ENTREP1: variants seen among roughly 807,000 people sequenced by gnomAD.
The protein encoded by ENTREP1 is endosomal transmembrane epsin interactor 1.
At chr9:69,379,400 G>A in the ENTREP1 span, among the ~76,000 whole-genome samples, 1 of 152,240 alleles carries the variant, frequency 6.6e-6, no homozygotes, top group East Asian at 1.9e-4. Context: ...TGGAGGGGAT[G>A]TCAGCTGGGT....
At chr9:69,354,997 A>G in the ENTREP1 span, among the ~76,000 whole-genome samples, 2 of 152,300 alleles carry the variant, frequency 1.3e-5, no homozygotes, top group East Asian at 3.9e-4. Flanking sequence ...AGTGCCATAT[A>G]CTGTGATGAA....
chr9:69,343,020 C>A, the ENTREP1 span, among the ~76,000 whole-genome samples: 3 of 152,180 alleles, frequency 2.0e-5, no homozygotes, highest in Non-Finnish European at 4.4e-5. Flanking sequence ...CTGACCTAAG[C>A]CAATTTGGGT....
At chr9:69,383,307 C>A in the ENTREP1 span, 2 of 867,202 alleles carry the variant, frequency 2.3e-6, no homozygotes, top group Non-Finnish European at 2.9e-6. Flanking sequence ...ACCCATCAAA[C>A]AGTCACTCCC....
the ENTREP1 span, among the ~76,000 whole-genome samples, chr9:69,353,262 A>G: frequency 6.6e-6 from 1 of 152,192 alleles, no homozygotes; most frequent in Non-Finnish European, 1.5e-5. Flanking sequence ...TGTACTGTCT[A>G]TTACTTCTGC....
chr9:69,383,442 T>G, the ENTREP1 span: 106 of 1,464,494 alleles, frequency 7.2e-5, no homozygotes, highest in Non-Finnish European at 9.4e-5. Flanking sequence ...GTCATTTGCT[T>G]AAGGAACTCT....
chr9:69,375,942 C>A, the ENTREP1 span: 1 of 1,481,472 alleles, frequency 6.8e-7, no homozygotes, highest in Non-Finnish European at 9.2e-7. Flanking sequence ...TTGAAATATT[C>A]CTGTTCTATT....
the ENTREP1 span, among the ~76,000 whole-genome samples, chr9:69,374,358 T>C: frequency 6.6e-6 from 1 of 152,140 alleles, no homozygotes; most frequent in Admixed American, 6.5e-5. Flanking sequence ...TCATTTCTCT[T>C]GAGTGAATAC....
At chr9:69,371,312 G>A in the ENTREP1 span, 3 of 650,928 alleles carry the variant, frequency 4.6e-6, no homozygotes, top group South Asian at 1.7e-5. Flanking sequence ...AGAGTCAGTG[G>A]CATCCCTCAG....
At chr9:69,349,052 C>T in the ENTREP1 span, among the ~76,000 whole-genome samples, 8 of 151,814 alleles carry the variant, frequency 5.3e-5, no homozygotes, top group Non-Finnish European at 7.4e-5. Context: ...GGCATGGTGG[C>T]GGGCACCTGT....
chr9:69,333,953 T>TTCTGAGGAATCACTGTCA, the ENTREP1 span, among the ~76,000 whole-genome samples: 4 of 152,190 alleles, frequency 2.6e-5, no homozygotes, highest in African/African-American at 9.7e-5. Context: ...AGTCACAGAT[T>TTCTGAGGAATCACTGTCA]TCTGAGGAAT....
the ENTREP1 span, among the ~76,000 whole-genome samples, chr9:69,390,271 G>A: frequency 6.6e-6 from 1 of 152,118 alleles, no homozygotes; most frequent in Non-Finnish European, 1.5e-5. Flanking sequence ...GCTCAGAATG[G>A]TACAAATGAA....
chr9:69,339,410 G>C, the ENTREP1 span, among the ~76,000 whole-genome samples: 353 of 152,208 alleles, frequency 2.3e-3, 3 homozygotes, highest in African/African-American at 7.3e-3. Context: ...GATATTCCTA[G>C]CCCATCTTTT....
At chr9:69,332,885 A>G in the ENTREP1 span, among the ~76,000 whole-genome samples, 1 of 152,246 alleles carries the variant, frequency 6.6e-6, no homozygotes, top group Admixed American at 6.5e-5. Flanking sequence ...TTGTGACAGC[A>G]AAAAACTAGA....
chr9:69,342,070 G>A, the ENTREP1 span, among the ~76,000 whole-genome samples: 1 of 152,136 alleles, frequency 6.6e-6, no homozygotes, highest in Middle Eastern at 3.4e-3. Flanking sequence ...GTCATTATAA[G>A]CTCCCTGTAT....
the ENTREP1 span, among the ~76,000 whole-genome samples, chr9:69,378,280 T>C: frequency 6.6e-6 from 1 of 152,142 alleles, no homozygotes; most frequent in Non-Finnish European, 1.5e-5. Context: ...TTCCTAGCCA[T>C]TAAAAAGAGA....
chr9:69,381,946 CCTGTTACTCT>C, the ENTREP1 span: 1 of 152,254 alleles, frequency 6.6e-6, no homozygotes, highest in African/African-American at 2.4e-5. Flanking sequence ...TAAAACAGAG[CCTGTTACTCT>C]GACCTCTTGG....
the ENTREP1 span, chr9:69,336,405 G>T: frequency 1.8e-6 from 1 of 554,830 alleles, no homozygotes; most frequent in Non-Finnish European, 3.2e-6. Context: ...AATATTAGAA[G>T]TCAGATGATC....
chr9:69,334,829 T>C, the ENTREP1 span, among the ~76,000 whole-genome samples: 1 of 147,362 alleles, frequency 6.8e-6, no homozygotes. Context: ...CAGGCTGGAG[T>C]GCAGTGGCGC....
chr9:69,361,258 A>G, the ENTREP1 span, among the ~76,000 whole-genome samples: 1 of 152,144 alleles, frequency 6.6e-6, no homozygotes, highest in African/African-American at 2.4e-5. Flanking sequence ...GTGTTCTGTA[A>G]AGTTTCCTTA....
Sources: allele counts gnomAD v4.1 joint callset (sites outside exome capture counted in the v4.1 genomes callset), GRCh38; gene constraint gnomAD v4.1.1; transcripts MANE v1.5; gene names NCBI Gene and HGNC (gene_info 2026-07-23, HGNC 2026-07-21).